SYTL3: variants seen among roughly 807,000 people sequenced by gnomAD.
SYTL3 encodes the protein synaptotagmin like 3, also known as synaptotagmin-like protein 3.
SYTL3 carries 88 observed loss-of-function variants against 82.1 expected under a neutral mutation model. The ratio of observed to expected loss-of-function variants is 1.07; its 90% CI spans 0.90 to 1.28. The LOEUF (loss-of-function observed/expected upper bound fraction) is 1.28. Ranked by LOEUF, SYTL3 falls within the 50% of genes most tolerant of loss-of-function variation. The pLI is 0.00. For synonymous variants in SYTL3, 311 were observed against 289.4 expected (o/e 1.07, Z -0.76); for missense variants, 831 against 757.6 (o/e 1.10, Z -1.14).
At chr6:158,734,834 C>T (rs531564662) in intron 11 of SYTL3, among the ~76,000 whole-genome samples, 143 of 152,298 alleles carry the variant, frequency 9.4e-4, no homozygotes, top group African/African-American at 3.1e-3. Flanking sequence ...ATCATAGTTA[C>T]CATTTATTGA....
chr6:158,650,255 A>G (rs1269835467), intron 1 of SYTL3, among the ~76,000 whole-genome samples, 177 bp downstream of exon 1: 1 of 152,250 alleles, frequency 6.6e-6, no homozygotes, highest in Middle Eastern at 3.2e-3. Context: ...AATAACATAC[A>G]TTTAACATTT....
At chr6:158,764,365 C>T (rs1265178782) in intron 17 of SYTL3, 130 bp from the exon 18 acceptor site, 5 of 648,988 alleles carry the variant, frequency 7.7e-6, no homozygotes, top group Non-Finnish European at 1.1e-5. Context: ...CGGCGTCTGT[C>T]ATCAGTGGTT....
intron 2 of SYTL3, among the ~76,000 whole-genome samples, chr6:158,656,230 G>A (rs1024730409): frequency 1.3e-5 from 2 of 152,022 alleles, no homozygotes; most frequent in African/African-American, 4.8e-5. Flanking sequence ...TCTTCTCCCA[G>A]GCCTGGCGGT....
chr6:158,718,314 T>C (rs1469767142), intron 10 of SYTL3, 103 bp downstream of exon 10: 13 of 1,249,982 alleles, frequency 1.0e-5, no homozygotes, highest in Non-Finnish European at 1.1e-5. Flanking sequence ...TTTGGTTTTA[T>C]AGAAAAACAG....
chr6:158,709,000 G>A (rs1330871085), intron 8 of SYTL3, among the ~76,000 whole-genome samples: 1 of 152,180 alleles, frequency 6.6e-6, no homozygotes, highest in Non-Finnish European at 1.5e-5. Context: ...ACTTTGGGAG[G>A]CCGAGGTGGG....
At position 158,702,982 on chromosome 6, in the gene SYTL3, A is replaced by G. The variant is rs763636759; in HGVS notation, c.395-4248A>G. Among the ~76,000 whole-genome samples the G allele has an allele frequency of 5.7e-4, 87 of 151,696 alleles. 1 individual carries two copies. Among genetic ancestry groups the G allele is most frequent in the African/African-American group, 1.3e-3 (54 of 41,374 alleles). ...ATCCTGGCTAATACGGTGAAACCCC[A>G]TCTCTACTAAAAATACAAAAAATTA... On this transcript the variant is annotated intron_variant, in intron 6 of 17. Transcript: ENST00000611299.
intron 9 of SYTL3, among the ~76,000 whole-genome samples, chr6:158,717,852 G>A (rs894856089): frequency 1.1e-4 from 16 of 152,124 alleles, no homozygotes; most frequent in Non-Finnish European, 2.9e-5. Context: ...TGGCCACAGC[G>A]GGACCTTGAA....
chr6:158,729,789 A>G (rs1785186784), intron 11 of SYTL3, among the ~76,000 whole-genome samples: 1 of 151,430 alleles, frequency 6.6e-6, no homozygotes, highest in African/African-American at 2.4e-5. Flanking sequence ...GATGGTCTTG[A>G]TCTCCTGACC....
chr6:158,761,604 G>A (rs553322174), intron 15 of SYTL3, among the ~76,000 whole-genome samples: 3 of 152,180 alleles, frequency 2.0e-5, no homozygotes, highest in East Asian at 1.9e-4. Flanking sequence ...CACCACGCCC[G>A]GCCCAGAATG....
chr6:158,724,002 T>C (rs1784424508), intron 10 of SYTL3, among the ~76,000 whole-genome samples: 1 of 152,196 alleles, frequency 6.6e-6, no homozygotes, highest in Non-Finnish European at 1.5e-5. Context: ...CTCTCAGGCT[T>C]ACCCCAGCCA....
intron 6 of SYTL3, among the ~76,000 whole-genome samples, chr6:158,701,537 A>AGGACTGTCTGGGGGGAG (rs1583289651): frequency 9.2e-6 from 1 of 108,508 alleles, no homozygotes. Context: ...GTGTAGATGA[A>AGGACTGTCTGGGGGGAG]GAGCTGTTCT....
rs1231716072 is a variant in SYTL3, at chr6:158,662,958, A to T, written c.-311A>T. On this transcript the variant is annotated 5_prime_UTR_variant, in exon 4 of 18. It removes an upstream start codon present in the reference 5' UTR. Coordinates refer to ENST00000611299, the MANE Select transcript of SYTL3 (RefSeq NM_001242394.2). ...TCTGGTGAAACCTCAGAAAAGAGAT[A>T]TGCTTTTGTCTTAGATGGATGTCAG... is the stretch of plus-strand genomic sequence containing the variant. The T allele has an allele frequency of 4.5e-6, 1 of 224,256 alleles. No homozygotes were observed. Among genetic ancestry groups the T allele is most frequent in the Non-Finnish European group, 8.7e-6 (1 of 115,000 alleles). The allele number at this position is 224,256 out of a possible 1,614,324, so 13.9% of individuals were successfully genotyped here.
In SYTL3 at chr6:158,722,762, G is replaced by GTTTTTTTTTTTTTTTTTT. The variant is rs34189391; in HGVS notation, c.721-2732_721-2715dup. Among the ~76,000 whole-genome samples, 3 of 80,896 alleles carry GTTTTTTTTTTTTTTTTTT rather than the reference G, an allele frequency of 3.7e-5. 1 individual carries two copies. The highest frequency in any genetic ancestry group is 5.4e-5 in the African/African-American group (1 of 18,472). The allele number at this position is 80,896 out of a possible 152,430, so 53.1% of individuals were successfully genotyped here. ...AGGAAAAAGATTTTCTCTCTTTTCT[G>GTTTTTTTTTTTTTTTTTT]TTTTTTTTTTTTTTTTTTTTTTTTT... On this transcript the variant is annotated intron_variant, in intron 10 of 17. Coordinates refer to ENST00000611299, the MANE Select transcript of SYTL3 (RefSeq NM_001242394.2).
intron 4 of SYTL3, 67 bp downstream of exon 4, chr6:158,663,445 G>A (rs1156645939): frequency 8.9e-6 from 14 of 1,580,040 alleles, no homozygotes; most frequent in Admixed American, 7.4e-5. Flanking sequence ...CTGCCACTCC[G>A]TCGCCAATGC....
chr6:158,757,283 C>G lies in SYTL3; in HGVS notation c.1210C>G (p.Arg404Gly). The G allele has an allele frequency of 1.2e-6, 2 of 1,613,652 alleles. No individual in the cohort carries two copies. The highest frequency in any genetic ancestry group is 1.7e-6 in the Non-Finnish European group (2 of 1,179,980). The stretch of plus-strand genomic sequence containing the variant: ...GGTGTGGCATCTGGGCACGCTGGCC[C>G]GGAGAGTGTTTCTTGGAGAAGTGAT... ...VSVWHLGTLA[R>G]RVFLGEVIIP... Residue 404 changes from arginine to glycine, a missense_variant, in exon 14 of 18, where the codon CGG becomes GGG. Physicochemically the swap from Arg to Gly is moderately radical, Grantham distance 125. Coordinates refer to ENST00000611299, the MANE Select transcript of SYTL3 (RefSeq NM_001242394.2).
At chr6:158,740,774 C>T (rs114508928) in intron 11 of SYTL3, among the ~76,000 whole-genome samples, 1,732 of 152,118 alleles carry the variant, frequency 0.011, 15 homozygotes, top group African/African-American at 0.032. Context: ...GTGGTTGGAC[C>T]GTGAATTTTA....
intron 11 of SYTL3, among the ~76,000 whole-genome samples, chr6:158,736,225 C>A (rs993009156): frequency 6.6e-6 from 1 of 151,568 alleles, no homozygotes; most frequent in Non-Finnish European, 1.5e-5. Flanking sequence ...GTGGCGGGTG[C>A]CTGTAATCCC....
chr6:158,692,488 C>T (rs1334273661), intron 6 of SYTL3, among the ~76,000 whole-genome samples: 1 of 151,944 alleles, frequency 6.6e-6, no homozygotes, highest in East Asian at 1.9e-4. Context: ...ATCCCTCCCT[C>T]CCAGCAGTAA....
chr6:158,699,368 A>G (rs776150800), intron 6 of SYTL3, among the ~76,000 whole-genome samples: 1 of 152,336 alleles, frequency 6.6e-6, no homozygotes, highest in South Asian at 2.1e-4. Context: ...TGACACCATG[A>G]CAGAGCCCAG....
Sources: gnomAD v4.1 joint callset for allele counts (sites outside exome capture counted in the v4.1 genomes callset) on GRCh38, gnomAD v4.1.1 for gene constraint, MANE v1.5 for transcripts, NCBI Gene and HGNC (gene_info 2026-07-23, HGNC 2026-07-21) for gene names.